CHID1: variants seen among roughly 807,000 people sequenced by gnomAD.
CHID1 encodes the protein chitinase domain-containing protein 1.
CHID1 carries 44 observed loss-of-function variants against 55.4 expected under a neutral mutation model. That is an observed-to-expected ratio of 0.79 (90% CI 0.62 to 1.02). The LOEUF is 1.02. Among genes scored for constraint, CHID1 ranks in the 50% least tolerant of loss-of-function variants. The pLI is 0.00. For missense variants in CHID1, 491 were observed against 515.3 expected, an observed-to-expected ratio of 0.95 and a Z score of 0.46; for synonymous variants, 216 against 212.9, an observed-to-expected ratio of 1.01 and a Z score of -0.13.
intron 9 of CHID1, 42 bp from the exon 10 acceptor site, chr11:883,345 C>A: frequency 1.3e-6 from 2 of 1,581,088 alleles, no homozygotes; most frequent in Non-Finnish European, 1.7e-6. Flanking sequence ...ACAGGGAGGG[C>A]CCCGCACCTG....
Position 869,775 on chromosome 11 carries a change from A to G in CHID1, c.*83T>C. 1 of 1,227,242 alleles carries G rather than the reference A, an allele frequency of 8.1e-7. No homozygotes were observed. The allele number at this position is 1,227,242 out of a possible 1,614,324, so 76.0% of individuals were successfully genotyped here. ...GCAGCAGACCCGTCACAGCAAACGG[A>G]GTGGAGGCCTGTATTTCACACCTGC... On this transcript the variant is annotated 3_prime_UTR_variant, in exon 13 of 13. Transcript: ENST00000323578.
intron 10 of CHID1, among the ~76,000 whole-genome samples, chr11:879,150 C>T (rs994828552): frequency 1.3e-5 from 2 of 152,174 alleles, no homozygotes; most frequent in Admixed American, 6.5e-5. Context: ...CCGGTCACAC[C>T]TGACTAATTT....
chr11:894,140 A>G (rs1162529381), intron 7 of CHID1, among the ~76,000 whole-genome samples: 3 of 150,576 alleles, frequency 2.0e-5, no homozygotes, highest in Non-Finnish European at 4.4e-5. Context: ...AAAAAAAAAA[A>G]AAAAAAAAAA....
At chr11:904,669 C>A in intron 2 of CHID1, 37 bp downstream of exon 2, 14 of 1,612,604 alleles carry the variant, frequency 8.7e-6, no homozygotes, top group Non-Finnish European at 1.2e-5. Flanking sequence ...CAGCCCTCAG[C>A]CAGTACAGTC....
chr11:886,575 C>T (rs998551523), intron 8 of CHID1, among the ~76,000 whole-genome samples: 2 of 152,176 alleles, frequency 1.3e-5, no homozygotes, highest in Non-Finnish European at 2.9e-5. Context: ...TAGAGCTAGA[C>T]GAGGCCATGA....
chr11:898,447 G>T (rs777644833), intron 7 of CHID1, among the ~76,000 whole-genome samples: 1 of 152,240 alleles, frequency 6.6e-6, no homozygotes. Flanking sequence ...AGGCACCCGC[G>T]GTGGAGACCG....
intron 8 of CHID1, among the ~76,000 whole-genome samples, chr11:889,232 G>A (rs886756554): frequency 6.6e-5 from 10 of 152,080 alleles, no homozygotes; most frequent in South Asian, 6.2e-4. Context: ...TACCCACACC[G>A]TCCCTCCAGC....
chr11:893,456 G>C lies in CHID1; in HGVS notation c.672C>G (p.Leu224=). 6.4e-7 allele frequency: 1 copy of C among 1,551,886 alleles called. No individual in the cohort carries two copies. The change falls in exon 8 of 13, where the codon CTC becomes CTG. Residue 224 remains leucine (L), a synonymous_variant. Transcript: ENST00000323578. Reference sequence around the variant, plus strand: ...GGGTGATGGCAGGCGGGATGACCAGGAGGGCCAGCAGCCGGGCCTGGTGCA... The same window carrying C: ...GGGTGATGGCAGGCGGGATGACCAGCAGGGCCAGCAGCCGGGCCTGGTGCA... The part of the protein sequence containing the change: ...EALHQARLLA[L]LVIPPAITPG...
intron 10 of CHID1, among the ~76,000 whole-genome samples, chr11:881,832 T>C (rs1461681745): frequency 1.3e-5 from 2 of 151,012 alleles, no homozygotes; most frequent in African/African-American, 4.9e-5. Flanking sequence ...CAAAACCCTG[T>C]CTCTACAAAA....
chr11:904,840 C>CA lies in CHID1; in HGVS notation c.-25dup, dbSNP rs1383785015. The CA allele has an allele frequency of 3.1e-6, 5 of 1,613,240 alleles. No homozygotes were observed. The Admixed American group carries it at 8.3e-5, about 27-fold the overall frequency. ...ATGGTAGGTGTGTCACAGTAGGGTC[C>CA]AACCTCGGGGTCCAGAGGGCTGCAG... On this transcript the variant is annotated 5_prime_UTR_variant, in exon 2 of 13. An upstream open reading frame in the 5' UTR loses its in-frame stop. Transcript: ENST00000323578.
intron 7 of CHID1, among the ~76,000 whole-genome samples, chr11:897,408 G>A (rs1000385292): frequency 1.3e-5 from 2 of 152,230 alleles, no homozygotes. Context: ...CACTCTCCCA[G>A]GATTAGTGAG....
rs528895185 is a variant in CHID1, at chr11:876,271, G to A, written c.960-5772C>T. Among the ~76,000 whole-genome samples, 9 of 152,176 alleles carry A rather than the reference G, an allele frequency of 5.9e-5. 1 individual carries two copies. In the South Asian group the frequency reaches 1.0e-3, roughly 18 times the overall value. ...GGGTGGCCCATCTCACCCTGTGCACGTTGCAGGCAGTGAGCCCTTGGGCTG... is the reference window on the plus strand; with the variant it reads ...GGGTGGCCCATCTCACCCTGTGCACATTGCAGGCAGTGAGCCCTTGGGCTG... On this transcript the variant is annotated intron_variant, in intron 10 of 12. Coordinates refer to ENST00000323578, the MANE Select transcript of CHID1 (RefSeq NM_023947.4).
rs1851687049 is a variant in CHID1, at chr11:900,018, C to T, written c.532G>A (p.Val178Ile). 6.2e-7 allele frequency: 1 copy of T among 1,613,696 alleles called. No homozygotes were observed. The highest frequency in any genetic ancestry group is 8.5e-7 in the Non-Finnish European group (1 of 1,179,778). ...DEIEELSKTV[V>I]QVAKNQHFDG... ...ACAGGTCTCACCTTTGCCACCTGGA[C>T]CACGGTCTTGCTCAGCTCCTCTATC... The change falls in exon 6 of 13, where the codon GTC (valine) becomes ATC (isoleucine). Residue 178 changes from valine (V) to isoleucine (I), a missense_variant. Val to Ile is a conservative substitution (Grantham distance 29). Transcript: ENST00000323578.
intron 8 of CHID1, among the ~76,000 whole-genome samples, chr11:888,533 G>A (rs12420667): frequency 2.6e-5 from 4 of 152,086 alleles, no homozygotes; most frequent in African/African-American, 9.7e-5. Flanking sequence ...GAGCAATGAG[G>A]TAACAGCTTG....
chr11:886,646 T>C (rs1251975173), intron 8 of CHID1, among the ~76,000 whole-genome samples: 1 of 152,210 alleles, frequency 6.6e-6, no homozygotes. Flanking sequence ...CTCTCTGCCA[T>C]GCGAGGACAC....
chr11:870,605 C>T, intron 10 of CHID1, 106 bp from the exon 11 acceptor site: 1 of 769,740 alleles, frequency 1.3e-6, no homozygotes, highest in Non-Finnish European at 2.2e-6. Flanking sequence ...CCACTCGGGG[C>T]AGCCACTGTC....
At chr11:904,930 T>G in intron 1 of CHID1, 71 bp from the exon 2 acceptor site, 1 of 1,516,758 alleles carries the variant, frequency 6.6e-7, no homozygotes, top group South Asian at 1.2e-5. Context: ...CCTCTGCTGA[T>G]GGGGCCACTT....
intron 8 of CHID1, among the ~76,000 whole-genome samples, chr11:888,053 A>C (rs1468032285): frequency 5.3e-5 from 8 of 152,190 alleles, no homozygotes; most frequent in Admixed American, 5.2e-4. Context: ...GCTCCACACC[A>C]CGCCCCTCAG....
intron 2 of CHID1, 112 bp downstream of exon 2, chr11:904,594 G>A (rs989849030): frequency 3.9e-6 from 5 of 1,293,762 alleles, no homozygotes; most frequent in Non-Finnish European, 5.4e-6. Flanking sequence ...CCTTTGTGAG[G>A]AGCCAAGCCC....
Sources: gnomAD v4.1 joint callset for allele counts (sites outside exome capture counted in the v4.1 genomes callset) on GRCh38, gnomAD v4.1.1 for gene constraint, MANE v1.5 for transcripts, NCBI Gene and HGNC (gene_info 2026-07-23, HGNC 2026-07-21) for gene names.